The following PALS2 variants were observed in gnomAD, a reference collection of about 807,000 sequenced individuals.
PALS2 encodes protein PALS2.
Under a neutral mutation model 61.6 loss-of-function variants are expected in PALS2, and 27 were observed. The observed-to-expected ratio is 0.44, with a 90% CI of 0.32 to 0.60. PALS2 has a LOEUF of 0.60. PALS2 is among the 20% of genes least tolerant of loss of function. The probability of loss-of-function intolerance (pLI) is 0.05; values close to 1 mark genes in which losing one functional copy is unlikely to be tolerated. For missense variants in PALS2, 554 were observed against 639.4 expected (o/e 0.87, Z 1.44); for synonymous variants, 236 against 218.6 (o/e 1.08, Z -0.70).
chr7:24,649,517 G>GTA (rs1384424700), intron 3 of PALS2, 95 bp from the exon 4 acceptor site: 1 of 1,150,890 alleles, frequency 8.7e-7, no homozygotes, highest in East Asian at 2.8e-5. Flanking sequence ...GAAATTTTTA[G>GTA]TACTCCATTG....
At chr7:24,658,124 CTG>C (rs1038826046) in intron 5 of PALS2, among the ~76,000 whole-genome samples, 3 of 152,030 alleles carry the variant, frequency 2.0e-5, no homozygotes, top group Admixed American at 6.5e-5. Flanking sequence ...CCTTTTTTCT[CTG>C]TATTTTTCAT....
At chr7:24,678,394 T>C (rs1333404286) in intron 9 of PALS2, among the ~76,000 whole-genome samples, 1 of 152,140 alleles carries the variant, frequency 6.6e-6, no homozygotes, top group Non-Finnish European at 1.5e-5. Context: ...ACCATAATAA[T>C]AATGAGGCGT....
At chr7:24,612,888 ACTTAAT>A (rs1009181144) in intron 1 of PALS2, among the ~76,000 whole-genome samples, 15 of 151,836 alleles carry the variant, frequency 9.9e-5, no homozygotes, top group Admixed American at 6.6e-5. Context: ...CTAGTCCCTG[ACTTAAT>A]AGTAAAGCTT....
chr7:24,657,878 A>G (rs1786504762), intron 5 of PALS2, among the ~76,000 whole-genome samples: 1 of 152,198 alleles, frequency 6.6e-6, no homozygotes. Flanking sequence ...TAATTTTTAT[A>G]TAGGATGTGA....
At chr7:24,665,996 TTA>T in intron 7 of PALS2, 23 bp from the exon 8 acceptor site, 1 of 1,578,760 alleles carries the variant, frequency 6.3e-7, no homozygotes, top group Non-Finnish European at 8.7e-7. Context: ...ACTGCTTAAG[TTA>T]TATTTGTTTT....
intron 2 of PALS2, among the ~76,000 whole-genome samples, chr7:24,625,308 A>G (rs1210339471): frequency 1.3e-5 from 2 of 152,148 alleles, no homozygotes; most frequent in Non-Finnish European, 2.9e-5. Context: ...CTCCATGTTT[A>G]TTTAATTTAT....
At chr7:24,676,434 A>G (rs2128028857) in intron 9 of PALS2, among the ~76,000 whole-genome samples, 1 of 151,974 alleles carries the variant, frequency 6.6e-6, no homozygotes, top group East Asian at 1.9e-4. Context: ...GGTGTTTTAG[A>G]CATGAAGTGC....
Position 24,573,550 on chromosome 7 carries a change from G to GAGCGGCGGC in PALS2, c.-36_-28dup, listed in dbSNP as rs1282636835. 2.1e-5 allele frequency: 8 copies of GAGCGGCGGC among 386,404 alleles called. No individual in the cohort carries two copies. The highest frequency in any genetic ancestry group is 1.3e-4 in the South Asian group (1 of 7,750). The allele number at this position is 386,404 out of a possible 1,614,324, so 23.9% of individuals were successfully genotyped here. On this transcript the variant is annotated 5_prime_UTR_variant, in exon 1 of 12. Transcript: ENST00000222644. The surrounding 1 kb of genome is among the most constrained non-coding windows in gnomAD (Gnocchi z 5.3). ...AGCAGCGGCGGCGGGGAGCGACCGG[G>GAGCGGCGGC]AGCGGCGGCAGCGGCGGCGCGGAGG... is the stretch of plus-strand genomic sequence containing the variant.
intron 1 of PALS2, among the ~76,000 whole-genome samples, chr7:24,582,517 G>T (rs896027227): frequency 6.6e-6 from 1 of 151,702 alleles, no homozygotes; most frequent in Non-Finnish European, 1.5e-5. Flanking sequence ...TAGTGCTTGC[G>T]TTACTTTTCT....
At chr7:24,616,839 T>A in intron 1 of PALS2, among the ~76,000 whole-genome samples, 1 of 152,180 alleles carries the variant, frequency 6.6e-6, no homozygotes, top group Non-Finnish European at 1.5e-5. Flanking sequence ...TTGCTGTTTT[T>A]AGAACTCTTT....
intron 3 of PALS2, among the ~76,000 whole-genome samples, chr7:24,648,944 C>G (rs1045253913): frequency 8.6e-4 from 129 of 150,462 alleles, no homozygotes; most frequent in African/African-American, 3.0e-3. Context: ...AAAGCTAGAT[C>G]AAAACCACCC....
chr7:24,634,740 G>A lies in PALS2; in HGVS notation c.118-6976G>A, dbSNP rs149458925. Among the ~76,000 whole-genome samples, 225 of 152,190 alleles carry A rather than the reference G, an allele frequency of 1.5e-3. 1 individual carries two copies. The highest frequency in any genetic ancestry group is 5.1e-3 in the African/African-American group (210 of 41,538). On this transcript the variant is annotated intron_variant, in intron 2 of 11. Coordinates refer to ENST00000222644, the MANE Select transcript of PALS2 (RefSeq NM_001303037.2). ...GTTTTTTGTATACGATATTACGTTAGGCACCAACTTCTGTCTTTTACATGT... is the reference window on the plus strand; with the variant it reads ...GTTTTTTGTATACGATATTACGTTAAGCACCAACTTCTGTCTTTTACATGT...
intron 1 of PALS2, among the ~76,000 whole-genome samples, chr7:24,586,953 G>A (rs930922869): frequency 6.6e-6 from 1 of 152,072 alleles, no homozygotes; most frequent in Non-Finnish European, 1.5e-5. Flanking sequence ...GATTTTCAGA[G>A]TTTGGAAATT....
intron 5 of PALS2, among the ~76,000 whole-genome samples, chr7:24,663,140 C>T (rs1048328195): frequency 3.3e-5 from 5 of 152,274 alleles, no homozygotes; most frequent in Non-Finnish European, 7.4e-5. Context: ...ACTTCAACAT[C>T]AACTTTTATT....
chr7:24,693,676 A>G lies in PALS2; in HGVS notation c.*6062A>G, dbSNP rs1197412450. ...TTGAAATACAATAAAAATATTTCTT[A>G]TGTCTCTGTATTCTCTTTTAAAAAG... On this transcript the variant is annotated 3_prime_UTR_variant, in exon 12 of 12. Transcript: ENST00000222644. 2 of 152,134 alleles carry G rather than the reference A, an allele frequency of 1.3e-5. No individual in the cohort carries two copies. Among genetic ancestry groups the G allele is most frequent in the Non-Finnish European group, 2.9e-5 (2 of 67,996 alleles). The allele number at this position is 152,134 out of a possible 1,614,324, so 9.4% of individuals were successfully genotyped here.
intron 1 of PALS2, among the ~76,000 whole-genome samples, chr7:24,613,635 T>G (rs144948530): frequency 2.0e-5 from 3 of 152,020 alleles, no homozygotes; most frequent in Admixed American, 2.0e-4. Context: ...TGAAAATGTA[T>G]ACTGTTGTCA....
rs566450689 is a variant in PALS2 at position 24,592,565 on chromosome 7, A to G, written c.-3+18972A>G. Among the ~76,000 whole-genome samples the G allele has an allele frequency of 1.5e-3, 225 of 152,196 alleles. 1 individual carries two copies. The highest frequency in any genetic ancestry group is 2.5e-3 in the Non-Finnish European group (172 of 67,992). On this transcript the variant is annotated intron_variant, in intron 1 of 11. Transcript: ENST00000222644. ...TTTGGAAAGCTCACACTGCTTTGGT[A>G]TTGGGTATAGATGAAGTAAGGAAAA...
chr7:24,675,517 A>C, intron 9 of PALS2, among the ~76,000 whole-genome samples: 1 of 145,410 alleles, frequency 6.9e-6, no homozygotes, highest in Non-Finnish European at 1.5e-5. Context: ...CATTAGGTAT[A>C]TCTCCCAGTG....
Position 24,641,885 on chromosome 7 carries a change from C to T in PALS2, c.270+17C>T. On this transcript the variant is annotated intron_variant, in intron 3 of 11. Transcript: ENST00000222644. The stretch of plus-strand genomic sequence containing the variant: ...CACTTCCAGGTAACTTTCCCTATCA[C>T]TCAACTCTCAAGTTCCCTGTATTCC... The T allele has an allele frequency of 1.2e-6, 2 of 1,607,894 alleles. No individual in the cohort carries two copies. Among genetic ancestry groups the T allele is most frequent in the Non-Finnish European group, 1.7e-6 (2 of 1,176,452 alleles).
Sources: gnomAD v4.1 joint callset for allele counts (sites outside exome capture counted in the v4.1 genomes callset) on GRCh38, gnomAD v4.1.1 for gene constraint, Gnocchi (gnomAD v3.1) non-coding constraint, MANE v1.5 for transcripts, NCBI Gene and HGNC (gene_info 2026-07-23, HGNC 2026-07-21) for gene names.